Variants in CCDC120 observed in about 807,000 individuals in gnomAD.
The protein encoded by CCDC120 is coiled-coil domain containing 120, also known as coiled-coil domain-containing protein 120.
A neutral mutation model predicts 37.6 loss-of-function variants in CCDC120; 16 were observed. That is an observed-to-expected ratio of 0.43 (90% CI 0.29 to 0.65). The LOEUF (loss-of-function observed/expected upper bound fraction) is 0.65, where lower values mean the gene tolerates loss of function less well. Ranked by LOEUF, CCDC120 falls within the 30% of genes least tolerant of loss-of-function variation. The pLI is 0.18. For synonymous variants in CCDC120, 309 were observed against 275.4 expected (o/e 1.12, Z -1.21); for missense variants, 650 against 657.4 (o/e 0.99, Z 0.12).
rs938152735 is a variant in CCDC120 at position 49,066,880 on chromosome X, G to C, written c.1062-296G>C. 7 of 299,706 alleles carry C rather than the reference G, an allele frequency of 2.3e-5. No individual in the cohort carries two copies. The Admixed American group carries it at 3.9e-4, about 17-fold the overall frequency. 24.7% of individuals were successfully genotyped at this position (299,706 alleles called of 1,213,427 possible). On this transcript the variant is annotated intron_variant, in intron 9 of 10. Coordinates refer to ENST00000603986, the MANE Select transcript of CCDC120 (RefSeq NM_001163321.4). ...TGGATTAGGAACAGCCCCCTGCCCG[G>C]CATCTACTCTGCTAGCCTTTCCTCT...
At chrX:49,060,907 G>A (rs1239836171) in intron 1 of CCDC120, among the ~76,000 whole-genome samples, 4 of 111,751 alleles carry the variant, frequency 3.6e-5, no homozygotes, top group African/African-American at 9.8e-5. Flanking sequence ...CCTCACACCA[G>A]GCTAACATGT....
Position 49,067,419 on chromosome X carries a change from C to T in CCDC120, c.1305C>T (p.Arg435=), listed in dbSNP as rs1452174726. 8.4e-7 allele frequency: 1 copy of T among 1,192,127 alleles called. No individual in the cohort carries two copies. Among genetic ancestry groups the T allele is most frequent in the Non-Finnish European group, 1.1e-6 (1 of 886,571 alleles). The change falls in exon 10 of 11, where the codon CGC becomes CGT. Residue 435 remains arginine (R), a synonymous_variant. Coordinates refer to ENST00000603986, the MANE Select transcript of CCDC120 (RefSeq NM_001163321.4). ...VCKSSEVLYE[R]PQPTPAFSSR... is the part of the protein sequence containing the mutation. ...AGAGCAGTGAGGTGCTGTATGAGCG[C>T]CCCCAACCAACCCCTGCCTTCTCCT... is the stretch of plus-strand genomic sequence containing the variant.
chrX:49,057,961 C>T (rs1557078666), upstream of CCDC120, among the ~76,000 whole-genome samples: 1 of 111,820 alleles, frequency 8.9e-6, no homozygotes, highest in Non-Finnish European at 1.9e-5. Context: ...TGAAGCCTGA[C>T]TCTCTGAAGA....
chrX:49,054,593 C>G (rs184096668), upstream of CCDC120, among the ~76,000 whole-genome samples: 19 of 111,008 alleles, frequency 1.7e-4, no homozygotes, highest in East Asian at 5.1e-3. Flanking sequence ...TGAACCTGCC[C>G]TTTTCCCTGT....
At chrX:49,053,833 G>A (rs1409211908) in exon 1 of CCDC120, 1 of 112,804 alleles carries the variant, frequency 8.9e-6, no homozygotes, top group Middle Eastern at 4.3e-3. Flanking sequence ...TGCCCCGGCC[G>A]GCCGACCGAC....
At position 49,067,400 on chromosome X, in the gene CCDC120, G is replaced by C; in HGVS notation, c.1286G>C (p.Ser429Thr). 8.4e-7 allele frequency: 1 copy of C among 1,194,752 alleles called. No homozygotes were observed. Among genetic ancestry groups the C allele is most frequent in the Non-Finnish European group, 1.1e-6 (1 of 887,735 alleles). The change falls in exon 10 of 11, where the codon AGT becomes ACT. Residue 429 changes from serine (S) to threonine (T), a missense_variant. Physicochemically the swap from Ser to Thr is moderately conservative, Grantham distance 58. This residue lies in a region of CCDC120 where 576 missense variants were observed against 565.3 expected (regional missense o/e 1.02). Coordinates refer to ENST00000603986, the MANE Select transcript of CCDC120 (RefSeq NM_001163321.4). The stretch of plus-strand genomic sequence containing the variant: ...TCTGGCCCCCCAGTCTGCAAGAGCA[G>C]TGAGGTGCTGTATGAGCGCCCCCAA... ...SASGPPVCKS[S>T]EVLYERPQPT...
chrX:49,059,313 G>T, intron 1 of CCDC120: 1 of 753,485 alleles, frequency 1.3e-6, no homozygotes, highest in Non-Finnish European at 1.6e-6. Context: ...TCCTTTCCTG[G>T]CACCAAGCCG....
At position 49,062,604 on chromosome X, in the gene CCDC120, G is replaced by A. The variant is rs781925365; in HGVS notation, c.288+3G>A. The A allele has an allele frequency of 1.1e-5, 13 of 1,205,856 alleles. No individual in the cohort carries two copies. The highest frequency in any genetic ancestry group is 2.6e-4 in the Middle Eastern group (1 of 3,821). ...GCAAAGTGTGTCTCCAGGAGGCGGT[G>A]AGGGCCTGGCCCTAGGGGTATCAGG... On this transcript the variant is annotated splice_donor_region_variant and intron_variant, in intron 4 of 10. Transcript: ENST00000603986.
At chrX:49,059,856 T>G (rs1602513886) in intron 1 of CCDC120, among the ~76,000 whole-genome samples, 2 of 94,293 alleles carry the variant, frequency 2.1e-5, no homozygotes, top group African/African-American at 4.0e-5. Flanking sequence ...GGTGTGGGGG[T>G]GTGCTGGGGA....
intron 6 of CCDC120, 97 bp downstream of exon 6, chrX:49,064,761 C>A: frequency 1.0e-6 from 1 of 1,000,960 alleles, no homozygotes; most frequent in Non-Finnish European, 1.3e-6. Flanking sequence ...GGGAGGTAGG[C>A]ACAACTCAAG....
chrX:49,068,140 C>T (rs1557082195), intron 10 of CCDC120, 50 bp downstream of exon 10: 5 of 1,140,034 alleles, frequency 4.4e-6, no homozygotes, highest in African/African-American at 3.6e-5. Context: ...AGGCAGATGG[C>T]GAAGATATCC....
chrX:49,054,899 C>G (rs2064821275), upstream of CCDC120, among the ~76,000 whole-genome samples: 1 of 111,398 alleles, frequency 9.0e-6, no homozygotes, highest in Non-Finnish European at 1.9e-5. Flanking sequence ...GCCCCTCCAC[C>G]CTGTTCAGAT....
upstream of CCDC120, among the ~76,000 whole-genome samples, chrX:49,057,685 T>G (rs1389909472): frequency 8.9e-6 from 1 of 112,627 alleles, no homozygotes; most frequent in Admixed American, 9.4e-5. Context: ...AGTGAGCTCC[T>G]CTCTAGGCTC....
chrX:49,057,631 G>T (rs1252586018), upstream of CCDC120, among the ~76,000 whole-genome samples: 2 of 112,786 alleles, frequency 1.8e-5, no homozygotes, highest in South Asian at 3.6e-4. Flanking sequence ...GGCAGGGATG[G>T]CGGGAGGCCT....
chrX:49,062,389 G>A, intron 3 of CCDC120, 64 bp downstream of exon 3: 2 of 1,208,719 alleles, frequency 1.7e-6, no homozygotes, highest in South Asian at 1.8e-5. Context: ...TGCTTGCTCG[G>A]GAAGAGTTGG....
intron 1 of CCDC120, 143 bp downstream of exon 1, chrX:49,059,238 G>T (rs930538656): frequency 3.5e-5 from 14 of 404,752 alleles, no homozygotes; most frequent in Non-Finnish European, 4.4e-5. Flanking sequence ...GGGTGGTGGT[G>T]GGGGGGTAGG....
chrX:49,055,863 G>A (rs1557078283), upstream of CCDC120, among the ~76,000 whole-genome samples: 2 of 112,074 alleles, frequency 1.8e-5, no homozygotes, highest in African/African-American at 3.2e-5. Flanking sequence ...GAGAGTGCCC[G>A]AAGTTCAGAC....
upstream of CCDC120, among the ~76,000 whole-genome samples, chrX:49,058,127 C>T (rs2064844204): frequency 9.0e-6 from 1 of 111,731 alleles, no homozygotes; most frequent in African/African-American, 3.3e-5. Flanking sequence ...TGAATCAGGC[C>T]TCTTCACCTT....
chrX:49,065,093 A>G lies in CCDC120; in HGVS notation c.782A>G (p.Asp261Gly), dbSNP rs782292168. 1.7e-6 allele frequency: 2 copies of G among 1,211,001 alleles called. No homozygotes were observed. The highest frequency in any genetic ancestry group is 3.5e-5 in the South Asian group (2 of 56,941). ...CTCTCAGAGTCTGGGGCCAGCCATG[A>G]CAACGGTGAGGACTCCTATCCCCCA... ...SSLSESGASH[D>G]NEEPHGCFSL... Residue 261 changes from aspartate to glycine, a missense_variant, in exon 7 of 11, where the codon GAC (aspartate) becomes GGC (glycine). By Grantham distance (94) the Asp-to-Gly change is moderately conservative (BLOSUM62 -1). This residue lies in a region of CCDC120 where 576 missense variants were observed against 565.3 expected (regional missense o/e 1.02). Coordinates refer to ENST00000603986, the MANE Select transcript of CCDC120 (RefSeq NM_001163321.4).
Sources: allele counts gnomAD v4.1 joint callset (sites outside exome capture counted in the v4.1 genomes callset), GRCh38; gene constraint gnomAD v4.1.1; regional missense constraint gnomAD v4.1.1; transcripts MANE v1.5; gene names NCBI Gene and HGNC (gene_info 2026-07-23, HGNC 2026-07-21).